The following TMTC2 variants were observed in gnomAD, a reference collection of about 807,000 sequenced individuals.
TMTC2 encodes the protein transmembrane O-mannosyltransferase targeting cadherins 2.
A neutral mutation model predicts 82.4 loss-of-function variants in TMTC2; 43 were observed. The observed-to-expected ratio is 0.52, with a 90% confidence interval of 0.41 to 0.67. TMTC2 has a LOEUF of 0.67. TMTC2 is among the 30% of genes least tolerant of loss of function. The pLI is 0.00. For missense variants in TMTC2, 919 were observed against 1,012.4 expected (o/e 0.91, Z 1.25); for synonymous variants, 408 against 381.9 (o/e 1.07, Z -0.80).
At chr12:83,055,945 G>A (rs910690576) in intron 10 of TMTC2, among the ~76,000 whole-genome samples, 5 of 151,792 alleles carry the variant, frequency 3.3e-5, no homozygotes, top group Non-Finnish European at 5.9e-5. Context: ...ATTTACCACT[G>A]GTAAAGCAGG....
At chr12:83,024,961 G>A (rs1388991765) in intron 8 of TMTC2, among the ~76,000 whole-genome samples, 2 of 152,184 alleles carry the variant, frequency 1.3e-5, no homozygotes, top group Admixed American at 6.5e-5. Flanking sequence ...GGAGGCCACG[G>A]CAGCTGGATC....
rs774530847 is a variant in TMTC2, at chr12:83,132,280, A to G, written c.2402A>G (p.Asn801Ser). ...LNGRLQKAEA[N>S]YLRALQLKPD... ...GGCAGACTCCAGAAGGCCGAGGCCA[A>G]CTACCTGCGGGCCCTGCAGCTCAAG... is the stretch of plus-strand genomic sequence containing the variant. The change falls in exon 12 of 12, where the codon AAC becomes AGC. Residue 801 changes from asparagine to serine, a missense_variant. Physicochemically the swap from Asn to Ser is conservative, Grantham distance 46. Transcript: ENST00000321196. 1.1e-5 allele frequency: 18 copies of G among 1,613,898 alleles called. No individual in the cohort carries two copies. Among genetic ancestry groups the G allele is most frequent in the African/African-American group, 2.7e-5 (2 of 74,906 alleles).
At chr12:82,767,905 A>G (rs926186677) in intron 1 of TMTC2, among the ~76,000 whole-genome samples, 6 of 152,164 alleles carry the variant, frequency 3.9e-5, no homozygotes, top group Non-Finnish European at 8.8e-5. Flanking sequence ...ACAAAATCCT[A>G]TTCTATTCTG....
intron 9 of TMTC2, among the ~76,000 whole-genome samples, chr12:83,046,134 G>T (rs1013560089): frequency 1.3e-5 from 2 of 151,944 alleles, no homozygotes; most frequent in Non-Finnish European, 2.9e-5. Context: ...CCCCTCTGTC[G>T]AATTCATTCT....
At chr12:82,855,006 G>T (rs1871185159) in intron 1 of TMTC2, among the ~76,000 whole-genome samples, 1 of 152,130 alleles carries the variant, frequency 6.6e-6, no homozygotes. Context: ...TTGCACTAGG[G>T]TGTCCAGAAC....
At chr12:82,998,271 A>G (rs544885979) in intron 8 of TMTC2, among the ~76,000 whole-genome samples, 1 of 152,296 alleles carries the variant, frequency 6.6e-6, no homozygotes, top group South Asian at 2.1e-4. Flanking sequence ...GGAAATCAGC[A>G]TGGAAGTGCC....
chr12:82,817,374 G>T (rs76849570), intron 1 of TMTC2, among the ~76,000 whole-genome samples: 10 of 151,940 alleles, frequency 6.6e-5, no homozygotes, highest in African/African-American at 2.4e-4. Flanking sequence ...AAGCCATTTT[G>T]TGTTTATTTT....
At chr12:83,036,018 A>G (rs11115556) in intron 9 of TMTC2, among the ~76,000 whole-genome samples, 71,745 of 151,928 alleles carry the variant, frequency 0.47, 17,700 homozygotes, top group East Asian at 0.79. Flanking sequence ...CTGAAGAAAA[A>G]TACTCTTATA....
intron 7 of TMTC2, among the ~76,000 whole-genome samples, chr12:82,983,866 CTT>C (rs1879038396): frequency 6.6e-6 from 1 of 151,792 alleles, no homozygotes. Context: ...GCTTGTGTAT[CTT>C]TTCTGTTATA....
intron 9 of TMTC2, 49 bp from the exon 10 acceptor site, chr12:83,050,855 T>C: frequency 7.5e-7 from 1 of 1,330,000 alleles, no homozygotes; most frequent in Non-Finnish European, 1.1e-6. Context: ...AGCTTTATTG[T>C]TTCATGGGAT....
At chr12:82,913,679 T>C (rs533090490) in intron 3 of TMTC2, among the ~76,000 whole-genome samples, 4 of 152,376 alleles carry the variant, frequency 2.6e-5, no homozygotes, top group Non-Finnish European at 5.9e-5. Context: ...AGCTTCTTTT[T>C]AATACATGGA....
chr12:82,795,954 TA>T (rs1390198879), intron 1 of TMTC2, among the ~76,000 whole-genome samples: 1 of 152,200 alleles, frequency 6.6e-6, no homozygotes, highest in Non-Finnish European at 1.5e-5. Flanking sequence ...GCTTTGCTTT[TA>T]TATGTTGTAG....
chr12:82,892,239 T>C (rs1873435405), intron 2 of TMTC2, among the ~76,000 whole-genome samples: 1 of 152,222 alleles, frequency 6.6e-6, no homozygotes, highest in African/African-American at 2.4e-5. Context: ...AAATGTGAAA[T>C]AATACATAAA....
chr12:82,925,387 ATATT>A (rs976201079), intron 3 of TMTC2, among the ~76,000 whole-genome samples: 5 of 152,238 alleles, frequency 3.3e-5, no homozygotes, highest in Non-Finnish European at 7.3e-5. Context: ...AAATTAATAA[ATATT>A]TAATACATTA....
At chr12:82,961,018 T>G (rs1786315220) in intron 4 of TMTC2, among the ~76,000 whole-genome samples, 1 of 151,912 alleles carries the variant, frequency 6.6e-6, no homozygotes, top group African/African-American at 2.4e-5. Context: ...TTTTGGCACC[T>G]TCTTACCTGT....
At chr12:83,071,836 G>T (rs1466563790) in intron 11 of TMTC2, among the ~76,000 whole-genome samples, 1 of 151,748 alleles carries the variant, frequency 6.6e-6, no homozygotes, top group South Asian at 2.1e-4. Context: ...TATTTTCGGT[G>T]GTGTCAGTTG....
intron 2 of TMTC2, among the ~76,000 whole-genome samples, chr12:82,885,527 G>A (rs1332695537): frequency 6.9e-6 from 1 of 145,604 alleles, no homozygotes; most frequent in East Asian, 2.0e-4. Context: ...ATGCCACCAT[G>A]TCTGGCTAAT....
chr12:83,090,397 T>C (rs1283897290), intron 11 of TMTC2, among the ~76,000 whole-genome samples: 5 of 152,210 alleles, frequency 3.3e-5, no homozygotes, highest in Admixed American at 2.0e-4. Context: ...TGTAATTTAA[T>C]ATTGAAGGTT....
chr12:83,069,584 T>C (rs1165922723), intron 11 of TMTC2, among the ~76,000 whole-genome samples: 7 of 152,226 alleles, frequency 4.6e-5, no homozygotes, highest in Non-Finnish European at 7.3e-5. Flanking sequence ...TTGTAGATTC[T>C]GGATATTAGT....
Sources: allele counts gnomAD v4.1 joint callset (sites outside exome capture counted in the v4.1 genomes callset), GRCh38; gene constraint gnomAD v4.1.1; transcripts MANE v1.5; gene names NCBI Gene and HGNC (gene_info 2026-07-23, HGNC 2026-07-21).